Variants in CBX3 observed in about 807,000 individuals in gnomAD.
The protein encoded by CBX3 is chromobox 3, also known as chromobox protein homolog 3.
Under a neutral mutation model 22.6 loss-of-function variants are expected in CBX3, and 5 were observed. The observed-to-expected ratio is 0.22, with a 90% CI of 0.12 to 0.47. CBX3 has a LOEUF of 0.47. CBX3 is among the 20% of genes least tolerant of loss of function. The probability of loss-of-function intolerance (pLI) is 0.99; values close to 1 mark genes in which losing one functional copy is unlikely to be tolerated. For synonymous variants in CBX3, 50 were observed against 66.6 expected, an observed-to-expected ratio of 0.75 and a Z score of 1.21; for missense variants, 83 against 208.1, an observed-to-expected ratio of 0.40 and a Z score of 3.70.
At position 26,213,129 on chromosome 7, in the gene CBX3, A is replaced by C. The variant is rs1447376864; in HGVS notation, c.*921A>C. On this transcript the variant is annotated 3_prime_UTR_variant, in exon 6 of 6. Transcript: ENST00000396386. Reference sequence around the variant, plus strand: ...TGTTGGCAGTTTAGGACCTGCTGTCATAAATGTGTGAACAACCTTTTGTAA... The same window carrying C: ...TGTTGGCAGTTTAGGACCTGCTGTCCTAAATGTGTGAACAACCTTTTGTAA... The C allele has an allele frequency of 1.3e-5, 2 of 152,596 alleles. No individual in the cohort carries two copies. Among genetic ancestry groups the C allele is most frequent in the African/African-American group, 2.4e-5 (1 of 41,476 alleles). The allele number at this position is 152,596 out of a possible 1,614,324, so 9.5% of individuals were successfully genotyped here.
At chr7:26,207,359 A>C (rs915070775) in intron 3 of CBX3, among the ~76,000 whole-genome samples, 3 of 152,182 alleles carry the variant, frequency 2.0e-5, no homozygotes, top group Non-Finnish European at 4.4e-5. Context: ...TATGTGTCGT[A>C]AGTCCCTTCT....
intron 2 of CBX3, among the ~76,000 whole-genome samples, chr7:26,203,622 TATTC>T (rs1203839826): frequency 6.6e-6 from 1 of 152,204 alleles, no homozygotes; most frequent in African/African-American, 2.4e-5. Flanking sequence ...TTTTTTATCT[TATTC>T]AGCCATGTCA....
chr7:26,204,783 G>T (rs560476367), intron 2 of CBX3, among the ~76,000 whole-genome samples: 4 of 151,888 alleles, frequency 2.6e-5, no homozygotes, highest in Non-Finnish European at 5.9e-5. Context: ...ATAGTATTTG[G>T]GTTTTTTGTT....
At chr7:26,210,599 T>C (rs1784782177) in intron 4 of CBX3, 1 of 152,176 alleles carries the variant, frequency 6.6e-6, no homozygotes, top group African/African-American at 2.4e-5. Flanking sequence ...TCTCAAACTT[T>C]TTTTGGTCTC....
At position 26,213,582 on chromosome 7, in the gene CBX3, T is replaced by C. The variant is rs1001282371; in HGVS notation, c.*1374T>C. On this transcript the variant is annotated 3_prime_UTR_variant, in exon 6 of 6. Transcript: ENST00000396386. Reference sequence around the variant, plus strand: ...CATGTGATGCCTAGGGTCAATTGTCTCATTAAAATGAGGTTTTAAATTCTG... The same window carrying C: ...CATGTGATGCCTAGGGTCAATTGTCCCATTAAAATGAGGTTTTAAATTCTG... 5.9e-5 allele frequency among the ~76,000 whole-genome samples: 9 copies of C among 152,320 alleles called. No individual in the cohort carries two copies. Among genetic ancestry groups the C allele is most frequent in the Admixed American group, 2.6e-4 (4 of 15,298 alleles).
chr7:26,210,353 G>A (rs1197539770), intron 4 of CBX3: 1 of 152,188 alleles, frequency 6.6e-6, no homozygotes, highest in Admixed American at 6.5e-5. Context: ...TCCTTAGCAT[G>A]TGCTATACTG....
At chr7:26,211,966 ACT>A in intron 5 of CBX3, 114 bp from the exon 6 acceptor site, 1 of 976,632 alleles carries the variant, frequency 1.0e-6, no homozygotes, top group East Asian at 2.8e-5. Flanking sequence ...AAGTAACATA[ACT>A]CTCCTGGAGC....
At position 26,212,714 on chromosome 7, in the gene CBX3, G is replaced by A. The variant is rs913250934; in HGVS notation, c.*506G>A. 6.6e-6 allele frequency: 1 copy of A among 152,122 alleles called. No homozygotes were observed. The highest frequency in any genetic ancestry group is 2.4e-5 in the African/African-American group (1 of 41,402). 9.4% of individuals were successfully genotyped at this position (152,122 alleles called of 1,614,324 possible). On this transcript the variant is annotated 3_prime_UTR_variant, in exon 6 of 6. Coordinates refer to ENST00000396386, the MANE Select transcript of CBX3 (RefSeq NM_016587.4). ...TGTTTCTGAGATGCCATTATTCCAA[G>A]CAAAATAAGAGATAATCCCTTCAAG...
chr7:26,208,252 G>A (rs1030410878), intron 3 of CBX3, 141 bp from the exon 4 acceptor site: 9 of 582,770 alleles, frequency 1.5e-5, no homozygotes, highest in South Asian at 1.1e-4. Context: ...GTGGGGTAAT[G>A]TAGGGAAGGA....
intron 1 of CBX3, 146 bp from the exon 2 acceptor site, chr7:26,202,825 A>G: frequency 1.5e-6 from 1 of 674,364 alleles, no homozygotes; most frequent in East Asian, 2.6e-5. Context: ...TAAGCAATGT[A>G]GGTAGGAGCG....
chr7:26,207,530 T>C (rs1412745915), intron 3 of CBX3, among the ~76,000 whole-genome samples: 1 of 152,118 alleles, frequency 6.6e-6, no homozygotes, highest in Non-Finnish European at 1.5e-5. Context: ...TTTTTTTGTT[T>C]TGTTTTGAGA....
At chr7:26,205,886 G>C (rs1441950204) in intron 2 of CBX3, 1 of 154,028 alleles carries the variant, frequency 6.5e-6, no homozygotes, top group Non-Finnish European at 1.4e-5. Flanking sequence ...AGGAGTTTGA[G>C]ACCAGCCTGG....
intron 2 of CBX3, chr7:26,206,082 G>A (rs1317513948): frequency 3.4e-6 from 1 of 293,308 alleles, no homozygotes; most frequent in Non-Finnish European, 6.4e-6. Context: ...AAGAGTGTGA[G>A]ACCCTGTCTC....
Position 26,206,405 on chromosome 7 carries a change from A to G in CBX3, c.62A>G (p.Lys21Arg). Reference protein sequence around the residue: ...MGKKQNGKSKKVEEAEPEEFV... With the variant: ...MGKKQNGKSKRVEEAEPEEFV... ...AAAAAACAGAATGGAAAGAGTAAAA[A>G]AGTTGAAGAGGCAGAGCCTGAAGAA... Residue 21 changes from lysine (K) to arginine (R), a missense_variant, in exon 3 of 6, where the codon AAA becomes AGA. This residue lies in a region of CBX3 where 24 missense variants were observed against 25.1 expected (regional missense o/e 0.96). Coordinates refer to ENST00000396386, the MANE Select transcript of CBX3 (RefSeq NM_016587.4). The G allele has an allele frequency of 6.2e-7, 1 of 1,613,006 alleles. No individual in the cohort carries two copies. The highest frequency in any genetic ancestry group is 8.5e-7 in the Non-Finnish European group (1 of 1,179,616).
chr7:26,206,549 G>A, intron 3 of CBX3, 39 bp downstream of exon 3: 1 of 1,592,770 alleles, frequency 6.3e-7, no homozygotes, highest in Non-Finnish European at 8.6e-7. Context: ...ATGTTTAACT[G>A]CAGCTAAGTG....
At chr7:26,203,322 T>C (rs1034802501) in intron 2 of CBX3, among the ~76,000 whole-genome samples, 2 of 152,158 alleles carry the variant, frequency 1.3e-5, no homozygotes, top group Admixed American at 6.5e-5. Context: ...CGTTGAAAAA[T>C]GTTACATAAA....
chr7:26,211,040 A>T (rs1784792611), intron 4 of CBX3, among the ~76,000 whole-genome samples: 1 of 151,652 alleles, frequency 6.6e-6, no homozygotes, highest in South Asian at 2.1e-4. Flanking sequence ...CGAGGGCTAC[A>T]CATAAAATAG....
intron 3 of CBX3, 74 bp downstream of exon 3, chr7:26,206,584 G>A: frequency 2.1e-6 from 3 of 1,400,400 alleles, no homozygotes; most frequent in East Asian, 2.3e-5. Flanking sequence ...TTTTAACCTG[G>A]CTCTTTTACC....
At chr7:26,201,567 T>G (rs1430472663), upstream of CBX3, 1 of 150,628 alleles carries the variant, frequency 6.6e-6, no homozygotes, top group African/African-American at 2.4e-5. Flanking sequence ...GAACGGTAAG[T>G]GCCGCGGTCG....
Sources: gnomAD v4.1 joint callset for allele counts (sites outside exome capture counted in the v4.1 genomes callset) on GRCh38, gnomAD v4.1.1 for gene constraint, gnomAD v4.1.1 regional missense constraint, MANE v1.5 for transcripts, NCBI Gene and HGNC (gene_info 2026-07-23, HGNC 2026-07-21) for gene names.